The following SRC variants were observed in gnomAD, a reference collection of about 807,000 sequenced individuals.
SRC encodes SRC proto-oncogene, non-receptor tyrosine kinase.
In SRC, 13 loss-of-function variants were observed where a neutral mutation model predicts 62.9. The ratio of observed to expected loss-of-function variants is 0.21; its 90% confidence interval spans 0.13 to 0.33. SRC has a LOEUF of 0.33. Among genes scored for constraint, SRC ranks in the 10% least tolerant of loss-of-function variants. The pLI is 1.00. For missense variants in SRC, 457 were observed against 737.3 expected, an observed-to-expected ratio of 0.62 and a Z score of 4.40; for synonymous variants, 302 against 317.5, an observed-to-expected ratio of 0.95 and a Z score of 0.52.
At chr20:37,349,715 C>T (rs1010048830) in intron 1 of SRC, among the ~76,000 whole-genome samples, 2 of 152,096 alleles carry the variant, frequency 1.3e-5, no homozygotes, top group Non-Finnish European at 2.9e-5. Flanking sequence ...CTGAAGGTGC[C>T]GGTTGGGGCA....
At chr20:37,356,019 G>A (rs543397639) in intron 1 of SRC, among the ~76,000 whole-genome samples, 1 of 152,294 alleles carries the variant, frequency 6.6e-6, no homozygotes, top group Non-Finnish European at 1.5e-5. Flanking sequence ...GGATCAGACC[G>A]GCCTCAGAGG....
At chr20:37,373,197 T>G (rs1053034209) in intron 2 of SRC, among the ~76,000 whole-genome samples, 1 of 149,592 alleles carries the variant, frequency 6.7e-6, no homozygotes, top group African/African-American at 2.5e-5. Context: ...TATACATATA[T>G]GTACATATCT....
rs1480921620 is a variant in SRC at position 37,394,402 on chromosome 20, A to G, written c.553+125A>G. ...GGGAAGAACCTTCCGGGTGGAGGTA[A>G]TGGCAGGATCAAAGTCAGGGAGGTG... On this transcript the variant is annotated intron_variant, in intron 7 of 13. Transcript: ENST00000373578. 6.5e-6 allele frequency: 5 copies of G among 772,666 alleles called. No individual in the cohort carries two copies. The Middle Eastern group carries it at 6.8e-4, about 105-fold the overall frequency. 47.9% of individuals were successfully genotyped at this position (772,666 alleles called of 1,614,324 possible).
chr20:37,387,513 G>A (rs548006124), intron 5 of SRC, among the ~76,000 whole-genome samples: 9 of 139,724 alleles, frequency 6.4e-5, no homozygotes, highest in South Asian at 5.2e-4. Context: ...GATTGGAACC[G>A]AAGCAGCAAC....
chr20:37,382,983 T>C (rs996023168), intron 3 of SRC, among the ~76,000 whole-genome samples, 197 bp downstream of exon 3: 1 of 152,208 alleles, frequency 6.6e-6, no homozygotes, highest in Non-Finnish European at 1.5e-5. Context: ...GGTTTCTGGC[T>C]CTGAAGTCCC....
chr20:37,388,339 A>G (rs2070488136), intron 5 of SRC, among the ~76,000 whole-genome samples: 7 of 152,146 alleles, frequency 4.6e-5, no homozygotes, highest in Admixed American at 4.6e-4. Flanking sequence ...GAGGCCTGGA[A>G]GTGATGGAAT....
At chr20:37,370,324 C>T (rs2070141689) in intron 2 of SRC, among the ~76,000 whole-genome samples, 1 of 152,230 alleles carries the variant, frequency 6.6e-6, no homozygotes, top group African/African-American at 2.4e-5. Flanking sequence ...CCTGTAATCC[C>T]AGCACTTTGG....
At position 37,402,664 on chromosome 20, in the gene SRC, T is replaced by A; in HGVS notation, c.1270+76T>A. 1 of 1,570,382 alleles carries A rather than the reference T, an allele frequency of 6.4e-7. No homozygotes were observed. Among genetic ancestry groups the A allele is most frequent in the Non-Finnish European group, 8.7e-7 (1 of 1,155,472 alleles). ...CCCGCTCTGAGCCCCAGTTTTTTCC[T>A]CAGCTGTCATTCCTCATGGTGCTTA... On this transcript the variant is annotated intron_variant, in intron 12 of 13. Transcript: ENST00000373578. This position sits in a 1 kb window ranked among gnomAD's most constrained non-coding sequence, Gnocchi z 6.2.
chr20:37,405,267 T>G lies in SRC; in HGVS notation c.*1888T>G, dbSNP rs1281430659. ...TTAACAGTGTTTTGTAGATTTCAGATGACTATGCAGAGGCCTGGGGGACCC... is the reference window on the plus strand; with the variant it reads ...TTAACAGTGTTTTGTAGATTTCAGAGGACTATGCAGAGGCCTGGGGGACCC... On this transcript the variant is annotated 3_prime_UTR_variant, in exon 14 of 14. Transcript: ENST00000373578. The G allele has an allele frequency of 4.9e-6, 1 of 205,598 alleles. No homozygotes were observed. Among genetic ancestry groups the G allele is most frequent in the Non-Finnish European group, 9.6e-6 (1 of 103,942 alleles). 12.7% of individuals were successfully genotyped at this position (205,598 alleles called of 1,614,324 possible).
In SRC at chr20:37,396,062, C is replaced by T. The variant is rs1006244613; in HGVS notation, c.554-100C>T. ...TGGGCCTGGGGCCCCGCCTGGGCCT[C>T]CCTTCCCTCCAATGTCAGGCAGGCA... On this transcript the variant is annotated intron_variant, in intron 7 of 13. Coordinates refer to ENST00000373578, the MANE Select transcript of SRC (RefSeq NM_198291.3). The surrounding 1 kb of genome is among the most constrained non-coding windows in gnomAD (Gnocchi z 6.1). 1 of 1,513,442 alleles carries T rather than the reference C, an allele frequency of 6.6e-7. No individual in the cohort carries two copies. Among genetic ancestry groups the T allele is most frequent in the Non-Finnish European group, 8.9e-7 (1 of 1,127,834 alleles). The allele number at this position is 1,513,442 out of a possible 1,614,324, so 93.8% of individuals were successfully genotyped here. A position where few individuals can be genotyped will look rare whatever the true frequency, so the allele number is the denominator to read the frequency against.
intron 2 of SRC, among the ~76,000 whole-genome samples, chr20:37,375,363 C>G (rs1261725451): frequency 6.6e-6 from 1 of 152,096 alleles, no homozygotes; most frequent in Non-Finnish European, 1.5e-5. Context: ...TCCTGCGTAG[C>G]TGGGTCTACA....
intron 5 of SRC, among the ~76,000 whole-genome samples, chr20:37,391,182 C>A (rs369588385): frequency 6.6e-6 from 1 of 152,236 alleles, no homozygotes; most frequent in African/African-American, 2.4e-5. Flanking sequence ...CTTTGTCAAA[C>A]GGCCTCAATT....
At position 37,380,328 on chromosome 20, in the gene SRC, T is replaced by C. The variant is rs147082043; in HGVS notation, c.-172-2291T>C. 2.9e-3 allele frequency among the ~76,000 whole-genome samples: 449 copies of C among 152,234 alleles called. 1 individual carries two copies. The highest frequency in any genetic ancestry group is 0.01 in the African/African-American group (433 of 41,556). On this transcript the variant is annotated intron_variant, in intron 2 of 13. Transcript: ENST00000373578. ...CAGCCCCTGATTCCCACCTGCCCAG[T>C]GTGGTGGCCCCTTTTCACTCTCACC...
intron 1 of SRC, among the ~76,000 whole-genome samples, chr20:37,353,992 C>T (rs761873829): frequency 2.0e-5 from 3 of 152,220 alleles, no homozygotes; most frequent in Admixed American, 6.5e-5. Context: ...AGGATGAAGT[C>T]TTGTGTCCAA....
rs4810582 is a variant in SRC at position 37,384,626 on chromosome 20, A to G, written c.250+223A>G. On this transcript the variant is annotated intron_variant, in intron 4 of 13. Coordinates refer to ENST00000373578, the MANE Select transcript of SRC (RefSeq NM_198291.3). This position sits in a 1 kb window ranked among gnomAD's most constrained non-coding sequence, Gnocchi z 6.7. ...TTGGGGTGGAGCAAGCGCAAAAGAC[A>G]CGGGGTGTGGTTAATGGGTTCTAAT... 1 allele frequency among the ~76,000 whole-genome samples: 151,733 copies of G among 151,778 alleles called. 75,844 individuals are homozygous for G. Among genetic ancestry groups the G allele is most frequent in the Middle Eastern group, 1 (290 of 290 alleles).
intron 1 of SRC, among the ~76,000 whole-genome samples, chr20:37,362,649 T>G (rs1796708539): frequency 6.6e-6 from 1 of 151,686 alleles, no homozygotes. Context: ...GGGTTGAGGC[T>G]GTGACCCCCT....
In SRC at chr20:37,386,072, C is replaced by T; in HGVS notation, c.251-3C>T. The T allele has an allele frequency of 6.2e-7, 1 of 1,609,334 alleles. No individual in the cohort carries two copies. The highest frequency in any genetic ancestry group is 8.5e-7 in the Non-Finnish European group (1 of 1,175,618). Reference sequence around the variant, plus strand: ...TTCTGACACACCCCACCCCTCTCTGCAGGTGGAGTGACCACCTTTGTGGCC... The same window carrying T: ...TTCTGACACACCCCACCCCTCTCTGTAGGTGGAGTGACCACCTTTGTGGCC... On this transcript the variant is annotated splice_region_variant and splice_polypyrimidine_tract_variant and intron_variant, in intron 4 of 13. Coordinates refer to ENST00000373578, the MANE Select transcript of SRC (RefSeq NM_198291.3).
In SRC at chr20:37,351,002, C is replaced by T. The variant is rs2069793384; in HGVS notation, c.-247+4747C>T. Among the ~76,000 whole-genome samples, 1 of 152,178 alleles carries T rather than the reference C, an allele frequency of 6.6e-6. No individual in the cohort carries two copies. Among genetic ancestry groups the T allele is most frequent in the Non-Finnish European group, 1.5e-5 (1 of 68,026 alleles). Reference sequence around the variant, plus strand: ...AATCATCTACGCTGGGAGAAAAATGCAGAGCTCTTGTCTTCGATCCAGGAC... The same window carrying T: ...AATCATCTACGCTGGGAGAAAAATGTAGAGCTCTTGTCTTCGATCCAGGAC... On this transcript the variant is annotated intron_variant, in intron 1 of 13. Transcript: ENST00000373578. This position sits in a 1 kb window ranked among gnomAD's most constrained non-coding sequence, Gnocchi z 4.4.
At chr20:37,352,444 C>T (rs1192044043) in intron 1 of SRC, among the ~76,000 whole-genome samples, 2 of 152,184 alleles carry the variant, frequency 1.3e-5, no homozygotes, top group African/African-American at 2.4e-5. Flanking sequence ...AACAGACAAG[C>T]TTGGTGACTG....
Sources: gnomAD v4.1 joint callset for allele counts (sites outside exome capture counted in the v4.1 genomes callset) on GRCh38, gnomAD v4.1.1 for gene constraint, Gnocchi (gnomAD v3.1) non-coding constraint, MANE v1.5 for transcripts, NCBI Gene and HGNC (gene_info 2026-07-23, HGNC 2026-07-21) for gene names.